The following FRA10AC1 variants were observed in gnomAD, a reference collection of about 807,000 sequenced individuals.
The protein encoded by FRA10AC1 is protein FRA10AC1.
In FRA10AC1, 43 loss-of-function variants were observed where a neutral mutation model predicts 56.5. That is an observed-to-expected ratio of 0.76 (90% CI 0.60 to 0.98). FRA10AC1 has a LOEUF of 0.98. Among genes scored for constraint, FRA10AC1 ranks in the 50% least tolerant of loss-of-function variants. The probability of loss-of-function intolerance (pLI) is 0.00; values close to 1 mark genes in which losing one functional copy is unlikely to be tolerated. For missense variants in FRA10AC1, 346 were observed against 351.8 expected, an observed-to-expected ratio of 0.98 and a Z score of 0.13; for synonymous variants, 112 against 110.5, an observed-to-expected ratio of 1.01 and a Z score of -0.09.
chr10:93,702,799 A>G (rs1019386289), upstream of FRA10AC1, among the ~76,000 whole-genome samples: 2 of 151,680 alleles, frequency 1.3e-5, no homozygotes, highest in South Asian at 2.1e-4. Flanking sequence ...TCCGGCATCT[A>G]GTACCGCTGG....
chr10:93,685,325 T>C lies in FRA10AC1; in HGVS notation c.546A>G (p.Lys182=), dbSNP rs751508284. 1 of 1,567,440 alleles carries C rather than the reference T, an allele frequency of 6.4e-7. No individual in the cohort carries two copies. The highest frequency in any genetic ancestry group is 8.8e-7 in the Non-Finnish European group (1 of 1,140,476). ...CTTCCCAACTCTTTAAGCCTTCTTT[T>C]TTATCACAATATTTATTTCCACAGA... ...QFFCGNKYCD[K]KEGLKSWEVN... Residue 182 remains lysine (K), a synonymous_variant, in exon 9 of 14, where the codon AAA becomes AAG. Transcript: ENST00000359204.
chr10:93,670,156 CTT>C (rs995584004), intron 13 of FRA10AC1, among the ~76,000 whole-genome samples: 1 of 152,040 alleles, frequency 6.6e-6, no homozygotes, highest in African/African-American at 2.4e-5. Context: ...CATTGCTTCT[CTT>C]TACTTTGTGG....
Position 93,681,583 on chromosome 10 carries a change from C to T in FRA10AC1, c.684G>A (p.Lys228=). ...TGGTTTTATCTTTTCTTTTTTTTGA[C>T]TTGATTTCTTTTCTCCTTTGTGTTA... ...LNFHHRRKEI[K]SKKRKDKTKK... The change falls in exon 11 of 14, where the codon AAG becomes AAA. Residue 228 remains lysine, a synonymous_variant. Transcript: ENST00000359204. The T allele has an allele frequency of 6.5e-7, 1 of 1,527,110 alleles. No individual in the cohort carries two copies. Among genetic ancestry groups the T allele is most frequent in the Middle Eastern group, 1.8e-4 (1 of 5,564 alleles). The allele number at this position is 1,527,110 out of a possible 1,614,324, so 94.6% of individuals were successfully genotyped here.
At chr10:93,694,205 T>C (rs756608559) in intron 5 of FRA10AC1, among the ~76,000 whole-genome samples, 9 of 152,198 alleles carry the variant, frequency 5.9e-5, no homozygotes, top group Non-Finnish European at 1.3e-4. Context: ...TGTTTACCTA[T>C]CTTTTAAAAA....
At chr10:93,702,914 G>A (rs1175557528), upstream of FRA10AC1, 1 of 442,236 alleles carries the variant, frequency 2.3e-6, no homozygotes, top group African/African-American at 2.0e-5. Flanking sequence ...ACGCCTCCTC[G>A]GAGGATCCTC....
chr10:93,674,764 T>C (rs2058817163), intron 12 of FRA10AC1: 2 of 151,982 alleles, frequency 1.3e-5, no homozygotes, highest in East Asian at 1.9e-4. Flanking sequence ...ATAATATAAA[T>C]CAGTGATTCA....
chr10:93,698,427 CT>C (rs767963044), intron 2 of FRA10AC1, 31 bp from the exon 3 acceptor site: 1 of 1,266,038 alleles, frequency 7.9e-7, no homozygotes, highest in Non-Finnish European at 1.1e-6. Flanking sequence ...TAAGAGTTCA[CT>C]TTTTTCAAAG....
At chr10:93,682,711 G>A (rs957099757) in intron 10 of FRA10AC1, among the ~76,000 whole-genome samples, 1 of 152,116 alleles carries the variant, frequency 6.6e-6, no homozygotes, top group Non-Finnish European at 1.5e-5. Flanking sequence ...AGGCTGAGGT[G>A]TGAGGATCAC....
At chr10:93,673,586 T>A (rs1234364752) in intron 12 of FRA10AC1, 1 of 354,732 alleles carries the variant, frequency 2.8e-6, no homozygotes, top group African/African-American at 2.1e-5. Context: ...ATGGCAAATG[T>A]CTCCAATAAT....
chr10:93,702,635 C>G (rs1204883006), upstream of FRA10AC1: 1 of 193,126 alleles, frequency 5.2e-6, no homozygotes, highest in African/African-American at 2.4e-5. Flanking sequence ...GCACCGTCCC[C>G]CGAGTGCGCC....
chr10:93,700,487 G>T (rs1240669286), intron 1 of FRA10AC1, among the ~76,000 whole-genome samples: 1 of 152,190 alleles, frequency 6.6e-6, no homozygotes, highest in Non-Finnish European at 1.5e-5. Flanking sequence ...TAGACATTGT[G>T]TTAAATACTT....
At chr10:93,699,145 T>G (rs2059286124) in intron 2 of FRA10AC1, among the ~76,000 whole-genome samples, 1 of 152,184 alleles carries the variant, frequency 6.6e-6, no homozygotes, top group Non-Finnish European at 1.5e-5. Flanking sequence ...GAGCAGAGTA[T>G]CCAACTAGAT....
chr10:93,678,770 C>T (rs751047480), intron 11 of FRA10AC1, among the ~76,000 whole-genome samples: 1 of 151,754 alleles, frequency 6.6e-6, no homozygotes, highest in Admixed American at 6.6e-5. Flanking sequence ...CGAGGTTAAG[C>T]CTGCTGCAGT....
At chr10:93,685,400 T>C (rs2133916598) in intron 8 of FRA10AC1, 41 bp from the exon 9 acceptor site, 1 of 907,852 alleles carries the variant, frequency 1.1e-6, no homozygotes, top group South Asian at 1.4e-5. Flanking sequence ...TAGTTGGTGA[T>C]AATATTTATC....
chr10:93,695,139 C>A (rs1045948149), intron 4 of FRA10AC1, among the ~76,000 whole-genome samples: 1 of 152,000 alleles, frequency 6.6e-6, no homozygotes, highest in Non-Finnish European at 1.5e-5. Flanking sequence ...AAAGTACAGG[C>A]TTTCTTTTGA....
At chr10:93,679,076 A>T (rs1468613747) in intron 11 of FRA10AC1, among the ~76,000 whole-genome samples, 2 of 152,170 alleles carry the variant, frequency 1.3e-5, no homozygotes, top group Non-Finnish European at 2.9e-5. Flanking sequence ...GGTTTTCCTA[A>T]AAGTTTGCTA....
intron 8 of FRA10AC1, among the ~76,000 whole-genome samples, chr10:93,685,870 C>A (rs2059018340): frequency 1.3e-5 from 2 of 151,648 alleles, no homozygotes. Flanking sequence ...CATAGATGGC[C>A]TTGAAAACAC....
intron 12 of FRA10AC1, chr10:93,671,914 C>A: frequency 2.7e-6 from 1 of 370,410 alleles, no homozygotes; most frequent in Non-Finnish European, 5.2e-6. Context: ...CCTTCAAAAT[C>A]AGTAAAAACA....
At chr10:93,689,481 A>G (rs910801193) in intron 7 of FRA10AC1, among the ~76,000 whole-genome samples, 1 of 152,064 alleles carries the variant, frequency 6.6e-6, no homozygotes, top group Non-Finnish European at 1.5e-5. Context: ...TTGCCATCCA[A>G]CATATGTTAG....
Sources: allele counts gnomAD v4.1 joint callset (sites outside exome capture counted in the v4.1 genomes callset), GRCh38; gene constraint gnomAD v4.1.1; transcripts MANE v1.5; gene names NCBI Gene and HGNC (gene_info 2026-07-23, HGNC 2026-07-21).